CDK6: variants seen among roughly 807,000 people sequenced by gnomAD.
CDK6 encodes cyclin-dependent kinase 6.
CDK6 carries 6 observed loss-of-function variants against 37.1 expected under a neutral mutation model. The ratio of observed to expected loss-of-function variants is 0.16; its 90% CI spans 0.09 to 0.32. CDK6 has a LOEUF of 0.32. Among genes scored for constraint, CDK6 ranks in the 10% least tolerant of loss-of-function variants. The pLI is 1.00. For missense variants in CDK6, 224 were observed against 418.9 expected (o/e 0.53, Z 4.06); for synonymous variants, 160 against 161.3 (o/e 0.99, Z 0.06).
intron 4 of CDK6, among the ~76,000 whole-genome samples, chr7:92,690,993 G>A (rs775742114): frequency 2.6e-5 from 4 of 152,110 alleles, no homozygotes; most frequent in Non-Finnish European, 5.9e-5. Context: ...TCACATTCAG[G>A]TAGTGGCTTT....
intron 4 of CDK6, among the ~76,000 whole-genome samples, chr7:92,686,470 TAGTATTTC>T (rs1185431010): frequency 1.3e-5 from 2 of 152,172 alleles, no homozygotes; most frequent in Non-Finnish European, 2.9e-5. Context: ...TATGGCTGAG[TAGTATTTC>T]ATTATATATA....
chr7:92,797,937 A>G (rs1315208187), intron 2 of CDK6, among the ~76,000 whole-genome samples: 1 of 152,222 alleles, frequency 6.6e-6, no homozygotes, highest in African/African-American at 2.4e-5. Flanking sequence ...GAGGTGCTCC[A>G]GTGAGCAAAA....
intron 4 of CDK6, among the ~76,000 whole-genome samples, chr7:92,682,789 T>C (rs1797366476): frequency 6.6e-6 from 1 of 152,226 alleles, no homozygotes; most frequent in South Asian, 2.1e-4. Context: ...CCAGGCATTC[T>C]GAGAGTCCAC....
intron 2 of CDK6, among the ~76,000 whole-genome samples, chr7:92,781,235 C>G (rs1292954192): frequency 1.3e-5 from 2 of 152,338 alleles, no homozygotes; most frequent in South Asian, 2.1e-4. Context: ...CCTAACTCTC[C>G]CACAAAGTAA....
At chr7:92,686,743 C>G (rs1192865882) in intron 4 of CDK6, among the ~76,000 whole-genome samples, 1 of 152,102 alleles carries the variant, frequency 6.6e-6, no homozygotes, top group Non-Finnish European at 1.5e-5. Context: ...ACATTCCCAC[C>G]AACAGTGTAA....
intron 5 of CDK6, among the ~76,000 whole-genome samples, chr7:92,670,820 C>T (rs888709323): frequency 1.3e-5 from 2 of 152,218 alleles, no homozygotes; most frequent in Non-Finnish European, 2.9e-5. Flanking sequence ...AGATAACTGT[C>T]TAATCATTAG....
At chr7:92,743,692 A>G (rs553259182) in intron 3 of CDK6, among the ~76,000 whole-genome samples, 1 of 152,360 alleles carries the variant, frequency 6.6e-6, no homozygotes, top group African/African-American at 2.4e-5. Context: ...CTATATCAAG[A>G]GTTGACAAAG....
intron 7 of CDK6, among the ~76,000 whole-genome samples, chr7:92,615,499 C>T (rs1443724265): frequency 2.0e-5 from 3 of 152,126 alleles, no homozygotes; most frequent in African/African-American, 7.2e-5. Flanking sequence ...TTTTGGGTGC[C>T]TATGGACTGT....
intron 6 of CDK6, among the ~76,000 whole-genome samples, 161 bp downstream of exon 6, chr7:92,622,875 C>T (rs1457839071): frequency 6.6e-6 from 1 of 152,084 alleles, no homozygotes; most frequent in Non-Finnish European, 1.5e-5. Flanking sequence ...AACGGCACTT[C>T]TACCATGTCT....
At chr7:92,811,838 C>T (rs1800893885) in intron 2 of CDK6, among the ~76,000 whole-genome samples, 1 of 152,114 alleles carries the variant, frequency 6.6e-6, no homozygotes, top group African/African-American at 2.4e-5. Context: ...AGTAAGGCAA[C>T]TAAGTACTTG....
chr7:92,810,663 T>C (rs561120468), intron 2 of CDK6, among the ~76,000 whole-genome samples: 1 of 152,326 alleles, frequency 6.6e-6, no homozygotes, highest in Non-Finnish European at 1.5e-5. Context: ...ATAATTTTAC[T>C]GGATTTGAAT....
rs1485132916 is a variant in CDK6, at chr7:92,606,164, A to T, written c.*8976T>A. On this transcript the variant is annotated 3_prime_UTR_variant, in exon 8 of 8. Transcript: ENST00000424848. Reference sequence around the variant, plus strand: ...AAGTGTGGCCTGTAGATGGAGAGAAAACAGCAGCCTGGAATGTGGTTTATA... The same window carrying T: ...AAGTGTGGCCTGTAGATGGAGAGAATACAGCAGCCTGGAATGTGGTTTATA... 4.3e-6 allele frequency: 1 copy of T among 233,496 alleles called. No homozygotes were observed. Among genetic ancestry groups the T allele is most frequent in the African/African-American group, 2.2e-5 (1 of 45,348 alleles). 14.5% of individuals were successfully genotyped at this position (233,496 alleles called of 1,614,324 possible).
chr7:92,706,395 CTG>C (rs1187900006), intron 4 of CDK6, among the ~76,000 whole-genome samples: 1 of 152,160 alleles, frequency 6.6e-6, no homozygotes, highest in Admixed American at 6.5e-5. Context: ...CAGTGAGACC[CTG>C]TCTTTTTAAA....
intron 2 of CDK6, among the ~76,000 whole-genome samples, chr7:92,827,052 T>C (rs1287310290): frequency 1.3e-5 from 2 of 152,186 alleles, no homozygotes; most frequent in African/African-American, 4.8e-5. Flanking sequence ...TAAACCTCTG[T>C]CTGAATCTTA....
intron 3 of CDK6, among the ~76,000 whole-genome samples, chr7:92,758,803 G>A (rs1799380412): frequency 6.6e-6 from 1 of 152,040 alleles, no homozygotes. Flanking sequence ...TGTCATCTCT[G>A]ATTTCTTTGA....
At chr7:92,675,150 T>C (rs1446414875) in intron 4 of CDK6, among the ~76,000 whole-genome samples, 1 of 152,212 alleles carries the variant, frequency 6.6e-6, no homozygotes, top group East Asian at 1.9e-4. Flanking sequence ...TGGTTTCTGA[T>C]TGATTACCCA....
In CDK6 at chr7:92,676,306, C is replaced by A. The variant is rs143003379; in HGVS notation, c.538-4771G>T. On this transcript the variant is annotated intron_variant, in intron 4 of 7. Transcript: ENST00000424848. ...ATATGGTCAGGTTATTTATGGCTAT[C>A]TTTGAATGGTTGAATTTCTACTTTT... 3.5e-3 allele frequency among the ~76,000 whole-genome samples: 538 copies of A among 152,086 alleles called. 4 individuals are homozygous for A. Among genetic ancestry groups the A allele is most frequent in the South Asian group, 0.029 (139 of 4,814 alleles).
intron 4 of CDK6, among the ~76,000 whole-genome samples, chr7:92,706,040 A>G (rs527374858): frequency 6.6e-6 from 1 of 152,366 alleles, no homozygotes; most frequent in South Asian, 2.1e-4. Flanking sequence ...CTTATATGAC[A>G]CATCTTAAGC....
At chr7:92,785,683 C>G (rs1031647702) in intron 2 of CDK6, among the ~76,000 whole-genome samples, 3 of 152,150 alleles carry the variant, frequency 2.0e-5, no homozygotes, top group Non-Finnish European at 4.4e-5. Context: ...ATCTGATTTT[C>G]TAACCACTCT....
Sources: allele counts gnomAD v4.1 joint callset (sites outside exome capture counted in the v4.1 genomes callset), GRCh38; gene constraint gnomAD v4.1.1; transcripts MANE v1.5; gene names NCBI Gene and HGNC (gene_info 2026-07-23, HGNC 2026-07-21).